BTBD16: variants seen among roughly 807,000 people sequenced by gnomAD.
The protein encoded by BTBD16 is BTB domain containing 16, also known as BTB/POZ domain-containing protein 16.
Under a neutral mutation model 67.4 loss-of-function variants are expected in BTBD16, and 66 were observed. That is an observed-to-expected ratio of 0.98 (90% CI 0.80 to 1.20). The LOEUF (loss-of-function observed/expected upper bound fraction) is 1.20, where lower values mean the gene tolerates loss of function less well. BTBD16 is among the 50% of genes most tolerant of loss of function. The pLI is 0.00. For missense variants in BTBD16, 634 were observed against 616.0 expected (o/e 1.03, Z -0.31); for synonymous variants, 242 against 236.4 (o/e 1.02, Z -0.22).
chr10:122,304,756 T>A (rs1228735949), intron 9 of BTBD16, among the ~76,000 whole-genome samples: 4 of 152,106 alleles, frequency 2.6e-5, no homozygotes, highest in African/African-American at 9.7e-5. Flanking sequence ...GGTTTCATCA[T>A]GTTAGCCAAG....
At chr10:122,287,607 C>T (rs1259693619) in intron 5 of BTBD16, 4 of 406,158 alleles carry the variant, frequency 9.8e-6, no homozygotes, top group African/African-American at 2.2e-5. Context: ...GGAACAGTCA[C>T]AGTCCTTCAT....
intron 11 of BTBD16, among the ~76,000 whole-genome samples, chr10:122,330,026 C>A (rs1282211850): frequency 6.6e-6 from 1 of 152,166 alleles, no homozygotes; most frequent in Non-Finnish European, 1.5e-5. Context: ...ATGTTTTCAG[C>A]AGTCCAGGAG....
At chr10:122,293,160 T>A (rs1400726353) in intron 7 of BTBD16, among the ~76,000 whole-genome samples, 1 of 152,214 alleles carries the variant, frequency 6.6e-6, no homozygotes, top group African/African-American at 2.4e-5. Context: ...CTGTTTTGTT[T>A]ACTTCTTAAA....
chr10:122,299,891 G>A (rs931963477), intron 9 of BTBD16, among the ~76,000 whole-genome samples: 2 of 152,240 alleles, frequency 1.3e-5, no homozygotes, highest in South Asian at 2.1e-4. Context: ...TTTGCCTCTG[G>A]TGACCTGGCT....
intron 2 of BTBD16, among the ~76,000 whole-genome samples, chr10:122,276,193 G>A (rs979902981): frequency 6.6e-6 from 1 of 152,228 alleles, no homozygotes; most frequent in African/African-American, 2.4e-5. Context: ...AAGCAGGTTA[G>A]TGGTTGTCCC....
intron 7 of BTBD16, among the ~76,000 whole-genome samples, chr10:122,297,109 C>A (rs1239914637): frequency 6.6e-6 from 1 of 152,232 alleles, no homozygotes; most frequent in African/African-American, 2.4e-5. Context: ...CCCATCACAC[C>A]TTGTTCTTTA....
chr10:122,278,808 C>T (rs560724953), intron 3 of BTBD16, among the ~76,000 whole-genome samples: 120 of 152,336 alleles, frequency 7.9e-4, no homozygotes, highest in African/African-American at 2.8e-3. Flanking sequence ...TCTACTGCCA[C>T]GCATCTGGTG....
At chr10:122,330,331 G>A (rs2096453101) in intron 11 of BTBD16, among the ~76,000 whole-genome samples, 1 of 151,866 alleles carries the variant, frequency 6.6e-6, no homozygotes. Context: ...AAAAGTTTGG[G>A]GAAAAAAATA....
intron 9 of BTBD16, among the ~76,000 whole-genome samples, chr10:122,306,246 A>G (rs944398656): frequency 2.0e-5 from 3 of 152,232 alleles, no homozygotes; most frequent in African/African-American, 7.2e-5. Flanking sequence ...GCAAGGAAAC[A>G]ATTCTCCCTT....
chr10:122,277,060 G>A, intron 3 of BTBD16, 121 bp downstream of exon 3: 3 of 1,180,344 alleles, frequency 2.5e-6, no homozygotes, highest in South Asian at 1.8e-5. Context: ...TGCAAGGAAG[G>A]CTCCCTCTGG....
rs1218461200 is a variant in BTBD16, at chr10:122,286,216, A to G, written c.353A>G (p.His118Arg). 1 of 1,611,882 alleles carries G rather than the reference A, an allele frequency of 6.2e-7. No individual in the cohort carries two copies. The highest frequency in any genetic ancestry group is 1.3e-5 in the African/African-American group (1 of 74,768). ...YLKALAQGTT[H>R]PLRELEELLR... The stretch of plus-strand genomic sequence containing the variant: ...AAAGCCCTGGCGCAGGGCACCACAC[A>G]CCCCCTGAGGGAGCTGGAGGAGCTT... Residue 118 changes from histidine to arginine, a missense_variant, in exon 5 of 16, where the codon CAC becomes CGC. Transcript: ENST00000260723.
At chr10:122,290,276 G>C (rs970334050) in intron 6 of BTBD16, among the ~76,000 whole-genome samples, 13 of 152,192 alleles carry the variant, frequency 8.5e-5, no homozygotes, top group South Asian at 2.1e-4. Flanking sequence ...CGGCTTCTCA[G>C]AGACGGACCA....
chr10:122,309,866 G>A (rs2096410672), intron 10 of BTBD16, among the ~76,000 whole-genome samples: 1 of 151,088 alleles, frequency 6.6e-6, no homozygotes, highest in African/African-American at 2.4e-5. Context: ...CTGCCTCCTG[G>A]GTTCAAGCAA....
intron 5 of BTBD16, chr10:122,287,576 T>C (rs1014767383): frequency 8.6e-6 from 6 of 698,010 alleles, no homozygotes; most frequent in East Asian, 1.3e-4. Context: ...GATCAAGCCA[T>C]GGGATTCACG....
At chr10:122,291,301 T>G in intron 7 of BTBD16, 107 bp downstream of exon 7, 1 of 1,373,928 alleles carries the variant, frequency 7.3e-7, no homozygotes, top group Non-Finnish European at 9.6e-7. Flanking sequence ...CTAAGACACC[T>G]CAGGTGTCTT....
At chr10:122,286,427 T>C (rs1352837005) in intron 5 of BTBD16, 179 bp downstream of exon 5, 1 of 571,842 alleles carries the variant, frequency 1.7e-6, no homozygotes, top group African/African-American at 2.0e-5. Flanking sequence ...ATGGGGATAA[T>C]AGTTCTTAGG....
intron 10 of BTBD16, among the ~76,000 whole-genome samples, chr10:122,325,441 G>A (rs2096442774): frequency 6.6e-6 from 1 of 152,062 alleles, no homozygotes; most frequent in South Asian, 2.1e-4. Context: ...TAGACTTTGG[G>A]CAAGCACCCT....
intron 7 of BTBD16, among the ~76,000 whole-genome samples, chr10:122,293,816 G>C (rs2096378327): frequency 6.6e-6 from 1 of 152,194 alleles, no homozygotes; most frequent in Admixed American, 6.5e-5. Flanking sequence ...TGGCAGGGTA[G>C]CTTCCATCTT....
chr10:122,325,370 A>C (rs1040866431), intron 10 of BTBD16, among the ~76,000 whole-genome samples: 1 of 152,212 alleles, frequency 6.6e-6, no homozygotes, highest in African/African-American at 2.4e-5. Flanking sequence ...GCAATAAATC[A>C]GATGTATGTT....
Sources: allele counts gnomAD v4.1 joint callset (sites outside exome capture counted in the v4.1 genomes callset), GRCh38; gene constraint gnomAD v4.1.1; transcripts MANE v1.5; gene names NCBI Gene and HGNC (gene_info 2026-07-23, HGNC 2026-07-21).